LINGO2: variants seen among roughly 807,000 people sequenced by gnomAD.
The protein encoded by LINGO2 is leucine rich repeat and Ig domain containing 2, also known as leucine-rich repeat and immunoglobulin-like domain-containing nogo receptor-interacting protein 2.
A neutral mutation model predicts 30.6 loss-of-function variants in LINGO2; 14 were observed. The observed-to-expected ratio is 0.46, with a 90% confidence interval of 0.30 to 0.72. LINGO2 has a LOEUF of 0.72. Ranked by LOEUF, LINGO2 falls within the 30% of genes least tolerant of loss-of-function variation. The pLI is 0.07. For synonymous variants in LINGO2, 317 were observed against 288.5 expected (o/e 1.10, Z -1.00); for missense variants, 729 against 751.7 (o/e 0.97, Z 0.35).
the LINGO2 span, among the ~76,000 whole-genome samples, chr9:29,189,464 G>A: frequency 1.0e-4 from 15 of 150,466 alleles, no homozygotes; most frequent in African/African-American, 3.7e-4. Flanking sequence ...GGGTCGCGCC[G>A]GGCAGAGGCG....
the LINGO2 span, among the ~76,000 whole-genome samples, chr9:29,177,668 A>G: frequency 2.6e-5 from 4 of 152,148 alleles, no homozygotes; most frequent in East Asian, 7.7e-4. Context: ...TCCACTAATC[A>G]TGATGTTGAT....
At chr9:28,355,307 C>CTCTCTCTCTCTGTCTCTG (rs1564145599) in intron 3 of LINGO2, among the ~76,000 whole-genome samples, 1 of 48,174 alleles carries the variant, frequency 2.1e-5, no homozygotes, top group Non-Finnish European at 5.7e-5. Context: ...ATGTCTCTCT[C>CTCTCTCTCTCTGTCTCTG]TCTCTCTCTC....
At chr9:28,001,258 C>G (rs1188111319) in intron 5 of LINGO2, among the ~76,000 whole-genome samples, 1 of 152,204 alleles carries the variant, frequency 6.6e-6, no homozygotes, top group Non-Finnish European at 1.5e-5. Context: ...TCCCTTGCCC[C>G]TCTTCCACAT....
chr9:29,187,003 T>C, the LINGO2 span, among the ~76,000 whole-genome samples: 1 of 152,148 alleles, frequency 6.6e-6, no homozygotes, highest in Non-Finnish European at 1.5e-5. Flanking sequence ...AAATTTCAAC[T>C]ACAGACAGAG....
chr9:28,093,814 C>T (rs1030271559), intron 4 of LINGO2, among the ~76,000 whole-genome samples: 2 of 151,982 alleles, frequency 1.3e-5, no homozygotes, highest in Admixed American at 6.6e-5. Flanking sequence ...CCGGGAAGAC[C>T]TTGAAATGTG....
chr9:28,763,634 G>GA, the LINGO2 span, among the ~76,000 whole-genome samples: 28 of 149,042 alleles, frequency 1.9e-4, no homozygotes, highest in Admixed American at 4.0e-4. Flanking sequence ...ACTAAAAAAA[G>GA]AAAAAAAAAT....
the LINGO2 span, among the ~76,000 whole-genome samples, chr9:29,083,767 T>C: frequency 6.6e-6 from 1 of 152,110 alleles, no homozygotes; most frequent in African/African-American, 2.4e-5. Context: ...TGTAAGGGGT[T>C]GTACCAGTTT....
chr9:29,023,568 G>T, the LINGO2 span, among the ~76,000 whole-genome samples: 1 of 151,924 alleles, frequency 6.6e-6, no homozygotes, highest in East Asian at 1.9e-4. Flanking sequence ...TTACAAAATG[G>T]TGCTTGCATA....
chr9:28,748,107 C>G, the LINGO2 span, among the ~76,000 whole-genome samples: 1 of 151,936 alleles, frequency 6.6e-6, no homozygotes, highest in Non-Finnish European at 1.5e-5. Context: ...ATGGTGATTT[C>G]TTTCCACTGG....
chr9:28,626,376 C>A (rs1368419856), intron 1 of LINGO2, among the ~76,000 whole-genome samples: 1 of 151,824 alleles, frequency 6.6e-6, no homozygotes, highest in Non-Finnish European at 1.5e-5. Flanking sequence ...ATAAAGTATT[C>A]TTTAAGGAAA....
At chr9:28,438,846 AT>A (rs1410733460) in intron 2 of LINGO2, among the ~76,000 whole-genome samples, 133 of 146,132 alleles carry the variant, frequency 9.1e-4, no homozygotes, top group Non-Finnish European at 1.5e-3. Context: ...ATATATATAT[AT>A]ATAATGAGAT....
At chr9:28,500,664 T>A (rs1406012581) in intron 1 of LINGO2, among the ~76,000 whole-genome samples, 4 of 152,068 alleles carry the variant, frequency 2.6e-5, no homozygotes, top group African/African-American at 7.2e-5. Flanking sequence ...TGTTTCAATA[T>A]TCATCTGATA....
At chr9:28,541,678 C>A (rs1821705533) in intron 1 of LINGO2, among the ~76,000 whole-genome samples, 1 of 152,050 alleles carries the variant, frequency 6.6e-6, no homozygotes, top group African/African-American at 2.4e-5. Flanking sequence ...AACAAAATGA[C>A]AAATATGCTT....
At chr9:28,677,210 T>C in the LINGO2 span, among the ~76,000 whole-genome samples, 403 of 152,292 alleles carry the variant, frequency 2.6e-3, 11 homozygotes, top group East Asian at 0.065. Context: ...GTGGTTTGAC[T>C]TCAGAGTGTG....
chr9:29,060,185 A>C, the LINGO2 span, among the ~76,000 whole-genome samples: 1 of 152,080 alleles, frequency 6.6e-6, no homozygotes, highest in Non-Finnish European at 1.5e-5. Flanking sequence ...AGTGGTGCAG[A>C]AAGTTAAATT....
intron 5 of LINGO2, among the ~76,000 whole-genome samples, chr9:28,011,806 G>A (rs1397291732): frequency 6.6e-6 from 1 of 152,194 alleles, no homozygotes; most frequent in Non-Finnish European, 1.5e-5. Flanking sequence ...GGCAAGAGAA[G>A]TGGCCTGATG....
chr9:28,542,595 A>C (rs1326063651), intron 1 of LINGO2, among the ~76,000 whole-genome samples: 1 of 152,252 alleles, frequency 6.6e-6, no homozygotes, highest in African/African-American at 2.4e-5. Context: ...ATGAGGCCTA[A>C]GAAGAAAATT....
chr9:27,974,563 T>G (rs1820505849), intron 5 of LINGO2, among the ~76,000 whole-genome samples: 1 of 152,116 alleles, frequency 6.6e-6, no homozygotes, highest in Non-Finnish European at 1.5e-5. Context: ...TCACCATGAC[T>G]GTGTTCATTA....
At chr9:28,487,341 G>A (rs1339748769) in intron 1 of LINGO2, among the ~76,000 whole-genome samples, 6 of 152,082 alleles carry the variant, frequency 3.9e-5, no homozygotes, top group Non-Finnish European at 8.8e-5. Flanking sequence ...GACTCACCAG[G>A]TATTTCTGGA....
Sources: gnomAD v4.1 joint callset for allele counts (sites outside exome capture counted in the v4.1 genomes callset) on GRCh38, gnomAD v4.1.1 for gene constraint, MANE v1.5 for transcripts, NCBI Gene and HGNC (gene_info 2026-07-23, HGNC 2026-07-21) for gene names.